Variants in CDH12 observed in about 807,000 individuals in gnomAD.
CDH12 encodes the protein cadherin-12.
Under a neutral mutation model 74.1 loss-of-function variants are expected in CDH12, and 41 were observed. That is an observed-to-expected ratio of 0.55 (90% CI 0.43 to 0.72). The LOEUF (loss-of-function observed/expected upper bound fraction) is 0.72. Among genes scored for constraint, CDH12 ranks in the 30% least tolerant of loss-of-function variants. CDH12 has a pLI of 0.00. For missense variants in CDH12, 945 were observed against 977.2 expected, an observed-to-expected ratio of 0.97 and a Z score of 0.44; for synonymous variants, 399 against 355.0, an observed-to-expected ratio of 1.12 and a Z score of -1.39.
rs1379502033 is a variant in CDH12, at chr5:22,549,128, T to G, written c.-522-43764A>C. Among the ~76,000 whole-genome samples, 7 of 107,428 alleles carry G rather than the reference T, an allele frequency of 6.5e-5. 1 individual carries two copies. Among genetic ancestry groups the G allele is most frequent in the South Asian group, 5.4e-4 (2 of 3,680 alleles). 70.5% of individuals were successfully genotyped at this position (107,428 alleles called of 152,430 possible). On this transcript the variant is annotated intron_variant, in intron 1 of 14. Transcript: ENST00000382254. ...CCTAGTTTTTTGTTTGTTTATTTGT[T>G]TTTTTTTTGTTTTTTTTGTTTTTTT...
chr5:21,776,385 A>G (rs148889673), intron 11 of CDH12, among the ~76,000 whole-genome samples: 426 of 152,312 alleles, frequency 2.8e-3, no homozygotes, highest in African/African-American at 9.9e-3. Flanking sequence ...CAAATTTGTA[A>G]CATAGCATAA....
chr5:22,234,099 A>T (rs1752480356), intron 3 of CDH12, among the ~76,000 whole-genome samples: 1 of 152,226 alleles, frequency 6.6e-6, no homozygotes, highest in African/African-American at 2.4e-5. Flanking sequence ...ATAAATCTAT[A>T]GGCTTTCAAA....
At chr5:22,604,651 A>G (rs1377846458) in intron 1 of CDH12, among the ~76,000 whole-genome samples, 1 of 152,222 alleles carries the variant, frequency 6.6e-6, no homozygotes. Context: ...TAAAGATAAA[A>G]GCACCAACCA....
intron 1 of CDH12, among the ~76,000 whole-genome samples, chr5:22,727,445 G>C (rs1359735301): frequency 6.6e-6 from 1 of 151,556 alleles, no homozygotes; most frequent in African/African-American, 2.4e-5. Context: ...GAAAAGACAA[G>C]AAAATTATAC....
At chr5:22,155,364 A>C (rs186004859) in intron 4 of CDH12, among the ~76,000 whole-genome samples, 3 of 152,226 alleles carry the variant, frequency 2.0e-5, no homozygotes, top group African/African-American at 2.4e-5. Context: ...GAGAGGTGGC[A>C]TATAATTGGA....
At chr5:22,748,871 C>A (rs1261541166) in intron 1 of CDH12, among the ~76,000 whole-genome samples, 1 of 152,148 alleles carries the variant, frequency 6.6e-6, no homozygotes, top group Non-Finnish European at 1.5e-5. Flanking sequence ...GGCTGTTTGA[C>A]TTCAGTTCAT....
intron 6 of CDH12, among the ~76,000 whole-genome samples, chr5:21,868,092 C>T (rs999682124): frequency 6.8e-6 from 1 of 147,442 alleles, no homozygotes; most frequent in African/African-American, 2.6e-5. Context: ...GGAGACATGC[C>T]TTTCACCGTC....
At chr5:22,656,779 A>G (rs1039551419) in intron 1 of CDH12, among the ~76,000 whole-genome samples, 1 of 152,186 alleles carries the variant, frequency 6.6e-6, no homozygotes, top group Admixed American at 6.5e-5. Flanking sequence ...AGAAACAATA[A>G]AAAATATCCA....
intron 6 of CDH12, among the ~76,000 whole-genome samples, chr5:21,863,698 C>A (rs919331106): frequency 1.3e-5 from 2 of 152,110 alleles, no homozygotes; most frequent in African/African-American, 4.8e-5. Context: ...TAATGTACTT[C>A]ACTGTTTTCA....
At chr5:21,991,774 G>A (rs911117717) in intron 5 of CDH12, among the ~76,000 whole-genome samples, 13 of 151,184 alleles carry the variant, frequency 8.6e-5, no homozygotes, top group African/African-American at 2.2e-4. Context: ...TACTTCAAAT[G>A]GATTTGAATG....
chr5:22,460,245 G>A (rs917989955), intron 2 of CDH12, among the ~76,000 whole-genome samples: 5 of 151,878 alleles, frequency 3.3e-5, no homozygotes, highest in Non-Finnish European at 7.4e-5. Flanking sequence ...TAAACAATAT[G>A]ATTTTACTAT....
At chr5:22,766,186 A>G (rs887343120) in intron 1 of CDH12, among the ~76,000 whole-genome samples, 1 of 152,038 alleles carries the variant, frequency 6.6e-6, no homozygotes, top group Non-Finnish European at 1.5e-5. Context: ...AAATTGGAAT[A>G]AACAATTTAG....
At chr5:22,573,240 C>A (rs1739624343) in intron 1 of CDH12, among the ~76,000 whole-genome samples, 1 of 152,098 alleles carries the variant, frequency 6.6e-6, no homozygotes, top group Admixed American at 6.6e-5. Flanking sequence ...ATTTTTGCAA[C>A]ATTTTCCTCT....
chr5:22,313,164 C>A (rs1738462343), intron 3 of CDH12, among the ~76,000 whole-genome samples: 1 of 152,144 alleles, frequency 6.6e-6, no homozygotes, highest in South Asian at 2.1e-4. Flanking sequence ...TATATCACTG[C>A]CCTAAAGACT....
intron 3 of CDH12, among the ~76,000 whole-genome samples, chr5:22,329,488 G>A (rs1046382169): frequency 1.3e-5 from 2 of 152,106 alleles, no homozygotes; most frequent in Non-Finnish European, 2.9e-5. Flanking sequence ...ATTTGTTCCC[G>A]CTGCCACTAG....
At chr5:22,102,681 TA>T (rs1744206879) in intron 4 of CDH12, among the ~76,000 whole-genome samples, 3 of 151,332 alleles carry the variant, frequency 2.0e-5, no homozygotes, top group African/African-American at 4.9e-5. Flanking sequence ...AATAAATAAA[TA>T]AATAAATAAA....
chr5:22,515,070 G>C (rs1485107444), intron 1 of CDH12, among the ~76,000 whole-genome samples: 1 of 151,978 alleles, frequency 6.6e-6, no homozygotes, highest in South Asian at 2.1e-4. Flanking sequence ...GGAGATAAAG[G>C]TATAATTTTA....
intron 3 of CDH12, among the ~76,000 whole-genome samples, chr5:22,349,128 A>G (rs575364147): frequency 6.6e-5 from 10 of 152,290 alleles, no homozygotes; most frequent in African/African-American, 2.2e-4. Flanking sequence ...AGAAGGCATC[A>G]CCTATAAGAA....
chr5:22,393,085 C>T (rs1042690186), intron 3 of CDH12, among the ~76,000 whole-genome samples: 44 of 152,068 alleles, frequency 2.9e-4, no homozygotes, highest in Admixed American at 4.6e-4. Flanking sequence ...TTAGGGAAAA[C>T]GTCTTCACAG....
Sources: gnomAD v4.1 joint callset for allele counts (sites outside exome capture counted in the v4.1 genomes callset) on GRCh38, gnomAD v4.1.1 for gene constraint, MANE v1.5 for transcripts, NCBI Gene and HGNC (gene_info 2026-07-23, HGNC 2026-07-21) for gene names.